GRM5: variants seen among roughly 807,000 people sequenced by gnomAD.
The protein encoded by GRM5 is glutamate metabotropic receptor 5.
Under a neutral mutation model 83.1 loss-of-function variants are expected in GRM5, and 19 were observed. That is an observed-to-expected ratio of 0.23 (90% CI 0.16 to 0.34). The LOEUF is 0.34. Among genes scored for constraint, GRM5 ranks in the 10% least tolerant of loss-of-function variants. GRM5 has a pLI of 1.00. For synonymous variants in GRM5, 675 were observed against 633.6 expected, an observed-to-expected ratio of 1.07 and a Z score of -0.98; for missense variants, 1,160 against 1,588.3, an observed-to-expected ratio of 0.73 and a Z score of 4.58.
intron 2 of GRM5, among the ~76,000 whole-genome samples, chr11:88,858,227 G>T (rs144420681): frequency 6.6e-6 from 1 of 151,976 alleles, no homozygotes; most frequent in Non-Finnish European, 1.5e-5. Context: ...GGATTATGTC[G>T]TAACATTTGA....
intron 8 of GRM5, among the ~76,000 whole-genome samples, chr11:88,531,251 G>A (rs1942000973): frequency 6.6e-6 from 1 of 152,066 alleles, no homozygotes; most frequent in South Asian, 2.1e-4. Flanking sequence ...GCGTAGAAAT[G>A]TCCTTAGGAG....
intron 3 of GRM5, among the ~76,000 whole-genome samples, chr11:88,703,292 A>G (rs905937090): frequency 6.6e-6 from 1 of 152,094 alleles, no homozygotes; most frequent in African/African-American, 2.4e-5. Context: ...TTCAATCACA[A>G]TAGTTCCTAT....
At chr11:88,740,899 T>C (rs753764709) in intron 3 of GRM5, among the ~76,000 whole-genome samples, 20 of 152,034 alleles carry the variant, frequency 1.3e-4, no homozygotes, top group Non-Finnish European at 2.6e-4. Flanking sequence ...TAAGTCCTAG[T>C]AAGGATGGTG....
chr11:88,517,644 T>A (rs1428006543), intron 9 of GRM5, among the ~76,000 whole-genome samples: 2 of 152,168 alleles, frequency 1.3e-5, no homozygotes, highest in Non-Finnish European at 2.9e-5. Flanking sequence ...TTTATCCATA[T>A]CTTTAGGTGA....
At chr11:88,875,433 G>A (rs1944836027) in intron 2 of GRM5, among the ~76,000 whole-genome samples, 1 of 151,830 alleles carries the variant, frequency 6.6e-6, no homozygotes, top group Admixed American at 6.6e-5. Context: ...TCTTCTACTT[G>A]AAGTCTTGAA....
intron 3 of GRM5, among the ~76,000 whole-genome samples, chr11:88,787,159 G>C (rs968279060): frequency 6.6e-6 from 1 of 150,810 alleles, no homozygotes; most frequent in African/African-American, 2.4e-5. Context: ...GTGTGTGTGT[G>C]TGTGTGTGTG....
intron 7 of GRM5, 152 bp from the exon 8 acceptor site, chr11:88,568,144 T>C: frequency 1.7e-6 from 1 of 601,850 alleles, no homozygotes; most frequent in Non-Finnish European, 3.0e-6. Flanking sequence ...TTGTTTCATG[T>C]ATTCATTCAG....
chr11:88,717,640 C>T (rs367954355), intron 3 of GRM5, among the ~76,000 whole-genome samples: 2 of 151,770 alleles, frequency 1.3e-5, no homozygotes, highest in African/African-American at 4.8e-5. Context: ...TATCGTTCTA[C>T]AACTATGTAA....
chr11:89,053,000 T>C (rs1941792706), intron 1 of GRM5, among the ~76,000 whole-genome samples: 1 of 152,180 alleles, frequency 6.6e-6, no homozygotes, highest in South Asian at 2.1e-4. Context: ...CACATTGTTT[T>C]AACTATTTCT....
intron 2 of GRM5, among the ~76,000 whole-genome samples, chr11:88,886,920 C>T (rs1286585654): frequency 6.6e-6 from 1 of 152,130 alleles, no homozygotes; most frequent in African/African-American, 2.4e-5. Context: ...AACAGAGGGT[C>T]ACCCTCACCA....
chr11:89,055,477 A>G (rs1040531520), intron 1 of GRM5, among the ~76,000 whole-genome samples: 8 of 152,138 alleles, frequency 5.3e-5, no homozygotes, highest in African/African-American at 1.9e-4. Context: ...CTAATATTGT[A>G]GGATGTTTAA....
intron 3 of GRM5, among the ~76,000 whole-genome samples, chr11:88,844,615 A>G (rs2135534097): frequency 6.6e-6 from 1 of 152,324 alleles, no homozygotes; most frequent in South Asian, 2.1e-4. Flanking sequence ...ATAGATGGTA[A>G]TCCCTCAGAT....
intron 2 of GRM5, among the ~76,000 whole-genome samples, chr11:89,028,463 C>T (rs1941183442): frequency 6.6e-6 from 1 of 151,982 alleles, no homozygotes; most frequent in Non-Finnish European, 1.5e-5. Context: ...TGGTGTGCAC[C>T]TGTAGTTCTA....
chr11:88,571,166 A>G (rs1027300859), intron 7 of GRM5, among the ~76,000 whole-genome samples: 1 of 152,180 alleles, frequency 6.6e-6, no homozygotes, highest in African/African-American at 2.4e-5. Context: ...AATACTTTGC[A>G]TAGAATAACA....
intron 3 of GRM5, among the ~76,000 whole-genome samples, chr11:88,812,693 A>G (rs1943608264): frequency 6.6e-6 from 1 of 152,148 alleles, no homozygotes; most frequent in Admixed American, 6.6e-5. Context: ...ATAAAATGCA[A>G]AGACACCTAT....
At chr11:88,692,286 C>T (rs1238066529) in intron 3 of GRM5, among the ~76,000 whole-genome samples, 1 of 152,114 alleles carries the variant, frequency 6.6e-6, no homozygotes, top group Non-Finnish European at 1.5e-5. Context: ...CAATGATTTG[C>T]CTATATCTGT....
intron 7 of GRM5, among the ~76,000 whole-genome samples, chr11:88,577,730 A>C (rs1014493021): frequency 6.6e-6 from 1 of 152,170 alleles, no homozygotes; most frequent in African/African-American, 2.4e-5. Context: ...AAACACAGAC[A>C]TAGAGAAAAG....
Position 88,873,614 on chromosome 11 carries a change from A to G in GRM5, c.662-23459T>C, listed in dbSNP as rs557656228. 1.2e-4 allele frequency among the ~76,000 whole-genome samples: 18 copies of G among 151,752 alleles called. 1 individual carries two copies. The South Asian group carries it at 3.5e-3, about 30-fold the overall frequency. ...TAAACAACATGCTCCTGGGCAACTA[A>G]TGAGTAATGAAGAAATTGTGAAGAA... On this transcript the variant is annotated intron_variant, in intron 2 of 9. Transcript: ENST00000305447.
chr11:88,510,510 AT>A (rs61662337), intron 9 of GRM5, among the ~76,000 whole-genome samples: 106,046 of 151,680 alleles, frequency 0.7, 37,111 homozygotes, highest in African/African-American at 0.74. Context: ...GACACTCAAG[AT>A]TTTTTTTTTA....
Sources: gnomAD v4.1 joint callset for allele counts (sites outside exome capture counted in the v4.1 genomes callset) on GRCh38, gnomAD v4.1.1 for gene constraint, MANE v1.5 for transcripts, NCBI Gene and HGNC (gene_info 2026-07-23, HGNC 2026-07-21) for gene names.